PHTF2: variants seen among roughly 807,000 people sequenced by gnomAD.
PHTF2 encodes protein PHTF2.
Under a neutral mutation model 101.2 loss-of-function variants are expected in PHTF2, and 60 were observed. That is an observed-to-expected ratio of 0.59 (90% CI 0.48 to 0.73). The LOEUF (loss-of-function observed/expected upper bound fraction) is 0.73. Among genes scored for constraint, PHTF2 ranks in the 30% least tolerant of loss-of-function variants. The pLI, the probability that PHTF2 is intolerant of heterozygous loss-of-function variation, is 0.00. For missense variants in PHTF2, 747 were observed against 908.7 expected, an observed-to-expected ratio of 0.82 and a Z score of 2.29; for synonymous variants, 311 against 307.3, an observed-to-expected ratio of 1.01 and a Z score of -0.13.
chr7:77,944,215 C>T (rs1019739745), intron 16 of PHTF2, among the ~76,000 whole-genome samples: 16 of 152,104 alleles, frequency 1.1e-4, no homozygotes, highest in African/African-American at 3.9e-4. Flanking sequence ...AGTATTGTAT[C>T]CCAGAGACTT....
At chr7:77,870,753 T>G (rs949831040) in intron 3 of PHTF2, among the ~76,000 whole-genome samples, 19 of 152,290 alleles carry the variant, frequency 1.2e-4, no homozygotes, top group African/African-American at 4.3e-4. Context: ...TCTCCTGAGA[T>G]CATATATAAT....
At chr7:77,857,682 G>A (rs556971000) in intron 3 of PHTF2, among the ~76,000 whole-genome samples, 1 of 152,186 alleles carries the variant, frequency 6.6e-6, no homozygotes, top group Admixed American at 6.5e-5. Flanking sequence ...GTGTATCTTA[G>A]TAGTTAACAA....
At chr7:77,919,922 T>C (rs1004588831) in intron 9 of PHTF2, among the ~76,000 whole-genome samples, 2 of 152,170 alleles carry the variant, frequency 1.3e-5, no homozygotes, top group African/African-American at 4.8e-5. Context: ...GACAATTAGA[T>C]CATTTCTTAA....
intron 11 of PHTF2, among the ~76,000 whole-genome samples, chr7:77,927,177 A>AAT (rs386410516): frequency 0.013 from 1,022 of 77,976 alleles, 27 homozygotes; most frequent in Non-Finnish European, 0.017. Context: ...AAAAAAAAAA[A>AAT]ATATATATAT....
intron 1 of PHTF2, among the ~76,000 whole-genome samples, chr7:77,835,268 C>A (rs553056004): frequency 9.7e-5 from 14 of 143,972 alleles, no homozygotes; most frequent in Admixed American, 4.8e-4. Context: ...GAGCAAAACT[C>A]CGTCTCAAAA....
intron 2 of PHTF2, among the ~76,000 whole-genome samples, chr7:77,846,051 C>T (rs1796257067): frequency 6.6e-6 from 1 of 152,168 alleles, no homozygotes; most frequent in South Asian, 2.1e-4. Flanking sequence ...CCCCAAGGTC[C>T]CTCCATACCC....
chr7:77,890,038 A>G (rs1800245104), intron 3 of PHTF2, among the ~76,000 whole-genome samples: 1 of 130,690 alleles, frequency 7.7e-6, no homozygotes, highest in South Asian at 2.6e-4. Context: ...CCCCACCACC[A>G]TGAGACATTC....
At chr7:77,938,591 C>A in intron 13 of PHTF2, among the ~76,000 whole-genome samples, 1 of 149,330 alleles carries the variant, frequency 6.7e-6, no homozygotes, top group African/African-American at 2.4e-5. Context: ...ATTAGCCAGG[C>A]GTGGTGAAAC....
chr7:77,944,287 A>G (rs1404297440), intron 16 of PHTF2, among the ~76,000 whole-genome samples: 1 of 152,190 alleles, frequency 6.6e-6, no homozygotes, highest in Non-Finnish European at 1.5e-5. Context: ...CCCTACTCAC[A>G]CCATGAAGTC....
intron 1 of PHTF2, among the ~76,000 whole-genome samples, chr7:77,830,185 A>G (rs945601160): frequency 6.6e-5 from 10 of 152,218 alleles, no homozygotes; most frequent in Non-Finnish European, 8.8e-5. Flanking sequence ...AAGTCTATAT[A>G]AAACAATATA....
chr7:77,933,616 C>T (rs1454704339), intron 12 of PHTF2, among the ~76,000 whole-genome samples: 2 of 151,826 alleles, frequency 1.3e-5, no homozygotes, highest in Admixed American at 1.3e-4. Flanking sequence ...TCATCTAAGT[C>T]ACTGAGACTA....
intron 5 of PHTF2, 65 bp downstream of exon 4, chr7:77,894,058 A>G (rs1010123892): frequency 1.3e-5 from 16 of 1,238,074 alleles, no homozygotes; most frequent in African/African-American, 7.4e-5. Flanking sequence ...CTTAATTGAG[A>G]TCTGCTTTTT....
At chr7:77,935,523 CG>C (rs1356516475) in intron 12 of PHTF2, among the ~76,000 whole-genome samples, 1 of 152,190 alleles carries the variant, frequency 6.6e-6, no homozygotes, top group South Asian at 2.1e-4. Flanking sequence ...CCGCGCCCGG[CG>C]TAATTAACTC....
At chr7:77,846,223 C>T (rs527933528) in intron 2 of PHTF2, among the ~76,000 whole-genome samples, 53 of 152,168 alleles carry the variant, frequency 3.5e-4, no homozygotes, top group African/African-American at 1.1e-3. Flanking sequence ...AATGTGTATC[C>T]GAAGTCTCAG....
At chr7:77,843,715 T>G (rs1292157017) in intron 2 of PHTF2, among the ~76,000 whole-genome samples, 1 of 152,204 alleles carries the variant, frequency 6.6e-6, no homozygotes, top group Non-Finnish European at 1.5e-5. Flanking sequence ...TAGCTAATGG[T>G]TCTCAGCCTC....
chr7:77,955,001 CAGA>C, exon 20 of PHTF2: 3 of 480,428 alleles, frequency 6.2e-6, no homozygotes, highest in South Asian at 3.8e-5. Flanking sequence ...GTGTTTACAT[CAGA>C]CTGTCTTGTG....
At chr7:77,833,142 G>T (rs1795196298) in intron 1 of PHTF2, among the ~76,000 whole-genome samples, 1 of 152,186 alleles carries the variant, frequency 6.6e-6, no homozygotes, top group Non-Finnish European at 1.5e-5. Flanking sequence ...CACAGAACAG[G>T]ATGAGAAATA....
At chr7:77,870,973 C>A (rs1292228885) in intron 3 of PHTF2, among the ~76,000 whole-genome samples, 2 of 152,134 alleles carry the variant, frequency 1.3e-5, no homozygotes, top group Admixed American at 6.5e-5. Flanking sequence ...CATGCACAAA[C>A]ATTTTTAACA....
intron 15 of PHTF2, among the ~76,000 whole-genome samples, chr7:77,940,948 T>C (rs1379779172): frequency 2.0e-5 from 3 of 152,206 alleles, no homozygotes; most frequent in Non-Finnish European, 2.9e-5. Context: ...TTCATGTCAT[T>C]ATTTTCCTTT....
Sources: allele counts gnomAD v4.1 joint callset (sites outside exome capture counted in the v4.1 genomes callset), GRCh38; gene constraint gnomAD v4.1.1; transcripts MANE v1.5; gene names NCBI Gene and HGNC (gene_info 2026-07-23, HGNC 2026-07-21).